MSRB2: variants seen among roughly 807,000 people sequenced by gnomAD.
MSRB2 encodes the protein methionine sulfoxide reductase B2.
A neutral mutation model predicts 19.0 loss-of-function variants in MSRB2; 17 were observed. That is an observed-to-expected ratio of 0.89 (90% CI 0.61 to 1.34). The LOEUF (loss-of-function observed/expected upper bound fraction) is 1.34. Ranked by LOEUF, MSRB2 falls within the 40% of genes most tolerant of loss-of-function variation. The pLI is 0.00. For synonymous variants in MSRB2, 107 were observed against 99.7 expected (o/e 1.07, Z -0.44); for missense variants, 208 against 237.6 (o/e 0.88, Z 0.82).
intron 1 of MSRB2, among the ~76,000 whole-genome samples, chr10:23,100,987 T>TTTTTG (rs374985718): frequency 3.9e-4 from 60 of 152,164 alleles, no homozygotes; most frequent in East Asian, 1.4e-3. Context: ...TGGAAAAGGT[T>TTTTTG]TTTTGTTTTG....
intron 3 of MSRB2, among the ~76,000 whole-genome samples, chr10:23,116,449 A>C (rs572601976): frequency 1.3e-5 from 2 of 152,346 alleles, no homozygotes; most frequent in African/African-American, 4.8e-5. Context: ...GTCCTGACAT[A>C]CACATATTGA....
At chr10:23,104,084 G>A in intron 1 of MSRB2, 60 bp from the exon 2 acceptor site, 2 of 1,395,808 alleles carry the variant, frequency 1.4e-6, no homozygotes, top group Non-Finnish European at 2.0e-6. Context: ...AAAGGTCAAG[G>A]AAGAAAAGTC....
At chr10:23,104,040 G>A in intron 1 of MSRB2, 104 bp from the exon 2 acceptor site, 1 of 848,720 alleles carries the variant, frequency 1.2e-6, no homozygotes, top group Non-Finnish European at 1.8e-6. Context: ...GAAGGGACTG[G>A]ATTATTCTGC....
intron 1 of MSRB2, among the ~76,000 whole-genome samples, chr10:23,096,374 T>TGTGTGTGTGTGTGTGTGTGTGTGTG (rs1458244236): frequency 4.1e-5 from 2 of 48,276 alleles, no homozygotes; most frequent in South Asian, 1.0e-3. Flanking sequence ...GTGTGTGTGT[T>TGTGTGTGTGTGTGTGTGTGTGTGTG]TCTGCTAAAT....
In MSRB2 at chr10:23,102,893, G is replaced by A. The variant is rs570863127; in HGVS notation, c.119-1251G>A. On this transcript the variant is annotated intron_variant, in intron 1 of 4. Coordinates refer to ENST00000376510, the MANE Select transcript of MSRB2 (RefSeq NM_012228.4). ...ATACATTTTGTTTTGTTCCCAAAGT[G>A]TCGAATACCCCAAAAATCATGTGTT... is the stretch of plus-strand genomic sequence containing the variant. Among the ~76,000 whole-genome samples the A allele has an allele frequency of 7.2e-5, 11 of 152,260 alleles. No homozygotes were observed. The South Asian group carries it at 1.7e-3, about 23-fold the overall frequency.
In MSRB2 at chr10:23,113,923, C is replaced by T. The variant is rs1268480154; in HGVS notation, c.296+3605C>T. 8.3e-4 allele frequency among the ~76,000 whole-genome samples: 126 copies of T among 152,174 alleles called. 1 individual carries two copies. Among genetic ancestry groups the T allele is most frequent in the Admixed American group, 7.9e-3 (120 of 15,286 alleles). On this transcript the variant is annotated intron_variant, in intron 3 of 4. Transcript: ENST00000376510. ...TCTTCAAGATTGTGAGAGAGTACCA[C>T]CCATTTTGTGGTACTTTGTTACAGC...
At chr10:23,119,733 T>C (rs933771237) in intron 4 of MSRB2, among the ~76,000 whole-genome samples, 1 of 152,190 alleles carries the variant, frequency 6.6e-6, no homozygotes, top group Non-Finnish European at 1.5e-5. Flanking sequence ...TAGTTGGGAT[T>C]ACAGGTGCCT....
intron 3 of MSRB2, among the ~76,000 whole-genome samples, chr10:23,118,041 G>A (rs1840132098): frequency 6.6e-6 from 1 of 152,000 alleles, no homozygotes; most frequent in Non-Finnish European, 1.5e-5. Context: ...TTCAGATAAG[G>A]GGCACTCAAC....
At chr10:23,099,581 C>T (rs1839904464) in intron 1 of MSRB2, among the ~76,000 whole-genome samples, 1 of 152,188 alleles carries the variant, frequency 6.6e-6, no homozygotes, top group African/African-American at 2.4e-5. Context: ...TGGCGTGGCA[C>T]TGTGTCACGC....
At chr10:23,117,935 C>T (rs1471796871) in intron 3 of MSRB2, among the ~76,000 whole-genome samples, 1 of 152,176 alleles carries the variant, frequency 6.6e-6, no homozygotes, top group African/African-American at 2.4e-5. Flanking sequence ...AAAGGAAATG[C>T]TCACTGGAGT....
rs142668891 is a variant in MSRB2, at chr10:23,112,827, A to T, written c.296+2509A>T. ...TTGATCTCCTGACCTCAGGTGATCCACCCGCTTTGGCCTCCCAAAGTGCTG... is the reference window on the plus strand; with the variant it reads ...TTGATCTCCTGACCTCAGGTGATCCTCCCGCTTTGGCCTCCCAAAGTGCTG... On this transcript the variant is annotated intron_variant, in intron 3 of 4. Transcript: ENST00000376510. 5.5e-3 allele frequency among the ~76,000 whole-genome samples: 830 copies of T among 152,142 alleles called. 10 individuals carry two copies. Among genetic ancestry groups the T allele is most frequent in the African/African-American group, 0.02 (816 of 41,512 alleles).
intron 2 of MSRB2, among the ~76,000 whole-genome samples, chr10:23,107,583 C>G (rs975690470): frequency 1.3e-5 from 2 of 152,158 alleles, no homozygotes; most frequent in African/African-American, 2.4e-5. Flanking sequence ...ATACAGTCAG[C>G]CTTTGTGGAA....
intron 1 of MSRB2, among the ~76,000 whole-genome samples, chr10:23,098,494 C>T (rs1251586204): frequency 6.6e-6 from 1 of 152,200 alleles, no homozygotes; most frequent in Non-Finnish European, 1.5e-5. Flanking sequence ...GTAGTTATCT[C>T]ATGCAATAGC....
intron 3 of MSRB2, among the ~76,000 whole-genome samples, chr10:23,115,670 A>T (rs1840102765): frequency 6.6e-6 from 1 of 152,208 alleles, no homozygotes; most frequent in South Asian, 2.1e-4. Flanking sequence ...TCTGCTAATC[A>T]CTTAAATATG....
intron 1 of MSRB2, among the ~76,000 whole-genome samples, chr10:23,103,467 T>C (rs1330282014): frequency 6.6e-6 from 1 of 152,182 alleles, no homozygotes; most frequent in Non-Finnish European, 1.5e-5. Context: ...AGAGTATTGC[T>C]CTAGTTACTT....
At chr10:23,099,479 C>G (rs1021866042) in intron 1 of MSRB2, among the ~76,000 whole-genome samples, 1 of 152,196 alleles carries the variant, frequency 6.6e-6, no homozygotes, top group Non-Finnish European at 1.5e-5. Flanking sequence ...TTAAAAATGT[C>G]CTTTCCATAT....
intron 4 of MSRB2, among the ~76,000 whole-genome samples, chr10:23,119,696 T>TTCAAGTGCCTCAGCCTCCC (rs1249069789): frequency 3.3e-5 from 5 of 152,176 alleles, no homozygotes; most frequent in Admixed American, 2.6e-4. Context: ...CTCCACCTCC[T>TTCAAGTGCCTCAGCCTCCC]GAGTTCAAGT....
rs954855381 is a variant in MSRB2 at position 23,121,168 on chromosome 10, G to T, written c.*306G>T. Reference sequence around the variant, plus strand: ...TACCTGAGACTGAGTAACTTATAAAGAAAAGAGGTTTAATTGACTCACAGT... The same window carrying T: ...TACCTGAGACTGAGTAACTTATAAATAAAAGAGGTTTAATTGACTCACAGT... On this transcript the variant is annotated 3_prime_UTR_variant, in exon 5 of 5. Transcript: ENST00000376510. 3.4e-6 allele frequency: 1 copy of T among 297,502 alleles called. No individual in the cohort carries two copies. Among genetic ancestry groups the T allele is most frequent in the Non-Finnish European group, 6.2e-6 (1 of 160,652 alleles). The allele number at this position is 297,502 out of a possible 1,614,324, so 18.4% of individuals were successfully genotyped here. A position where few individuals can be genotyped will look rare whatever the true frequency, so the allele number is the denominator to read the frequency against.
At chr10:23,102,528 T>C (rs1839936560) in intron 1 of MSRB2, among the ~76,000 whole-genome samples, 1 of 152,240 alleles carries the variant, frequency 6.6e-6, no homozygotes, top group Non-Finnish European at 1.5e-5. Context: ...ACTGATTGAA[T>C]GTTTTCAGCA....
Sources: gnomAD v4.1 joint callset for allele counts (sites outside exome capture counted in the v4.1 genomes callset) on GRCh38, gnomAD v4.1.1 for gene constraint, MANE v1.5 for transcripts, NCBI Gene and HGNC (gene_info 2026-07-23, HGNC 2026-07-21) for gene names.